Variants in KIF1A observed in about 807,000 individuals in gnomAD.
KIF1A encodes kinesin family member 1A.
A neutral mutation model predicts 227.3 loss-of-function variants in KIF1A; 46 were observed. The ratio of observed to expected loss-of-function variants is 0.20; its 90% CI spans 0.16 to 0.26. KIF1A has a LOEUF of 0.26. KIF1A is among the 10% of genes least tolerant of loss of function. The pLI, the probability that KIF1A is intolerant of heterozygous loss-of-function variation, is 1.00. For synonymous variants in KIF1A, 1,022 were observed against 1,012.8 expected, an observed-to-expected ratio of 1.01 and a Z score of -0.17; for missense variants, 1,683 against 2,485.9, an observed-to-expected ratio of 0.68 and a Z score of 6.87.
At chr2:240,744,647 T>C (rs2048376720) in intron 32 of KIF1A, among the ~76,000 whole-genome samples, 1 of 152,174 alleles carries the variant, frequency 6.6e-6, no homozygotes, top group Non-Finnish European at 1.5e-5. Flanking sequence ...GAGGCGGCTG[T>C]TCTATAAGCC....
chr2:240,820,392 G>C (rs1325754021), upstream of KIF1A: 1 of 151,620 alleles, frequency 6.6e-6, no homozygotes, highest in Non-Finnish European at 1.5e-5. This position sits in a 1 kb window ranked among gnomAD's most constrained non-coding sequence, Gnocchi z 6.2. Context: ...GGGACGGAGG[G>C]GGCCGGGGCC....
intron 25 of KIF1A, among the ~76,000 whole-genome samples, chr2:240,759,548 C>A (rs2050258754): frequency 6.6e-6 from 1 of 152,198 alleles, no homozygotes; most frequent in Admixed American, 6.5e-5. Context: ...CAACCCCAGG[C>A]TGTGGCCTGG....
chr2:240,770,390 G>A (rs920235199), intron 15 of KIF1A, among the ~76,000 whole-genome samples: 3 of 152,152 alleles, frequency 2.0e-5, no homozygotes, highest in African/African-American at 7.2e-5. Context: ...AGGATGGCCT[G>A]GAGGGAGCTC....
chr2:240,735,896 C>G (rs1179426716), intron 38 of KIF1A, among the ~76,000 whole-genome samples: 1 of 151,988 alleles, frequency 6.6e-6, no homozygotes, highest in African/African-American at 2.4e-5. Flanking sequence ...GACATGAGTG[C>G]AGGGCAAGTT....
In KIF1A at chr2:240,769,847, A is replaced by T. The variant is rs1294109649; in HGVS notation, c.1342-141T>A. On this transcript the variant is annotated intron_variant, in intron 15 of 48. Coordinates refer to ENST00000498729, the MANE Select transcript of KIF1A (RefSeq NM_001244008.2). The stretch of plus-strand genomic sequence containing the variant: ...CCGACAAGGCAACGAGGCATCCAGA[A>T]GACCAAGGTAAAGCTCAGAGAATGT... 13 of 616,314 alleles carry T rather than the reference A, an allele frequency of 2.1e-5. No individual in the cohort carries two copies. The East Asian group carries it at 3.6e-4, about 17-fold the overall frequency. The allele number at this position is 616,314 out of a possible 1,614,324, so 38.2% of individuals were successfully genotyped here.
At position 240,740,439 on chromosome 2, in the gene KIF1A, A is replaced by G. The variant is rs1559491175; in HGVS notation, c.3750-75T>C. ...CTCCCCGCAGCACAGGACACAGTGG[A>G]CGGGAGCAAAAACAGGGAAAAGTCA... On this transcript the variant is annotated intron_variant, in intron 35 of 48. Coordinates refer to ENST00000498729, the MANE Select transcript of KIF1A (RefSeq NM_001244008.2). This position sits in a 1 kb window ranked among gnomAD's most constrained non-coding sequence, Gnocchi z 6.1. 4 of 1,287,194 alleles carry G rather than the reference A, an allele frequency of 3.1e-6. No individual in the cohort carries two copies. The highest frequency in any genetic ancestry group is 1.5e-5 in the African/African-American group (1 of 68,346). 79.7% of individuals were successfully genotyped at this position (1,287,194 alleles called of 1,614,324 possible).
chr2:240,793,909 C>T lies in KIF1A; in HGVS notation c.106+3738G>A, dbSNP rs1349083241. On this transcript the variant is annotated intron_variant, in intron 2 of 48. Transcript: ENST00000498729. The surrounding 1 kb of genome is among the most constrained non-coding windows in gnomAD (Gnocchi z 4.8). Reference sequence around the variant, plus strand: ...CCCCACGACATCCTCTGAGGGGCCCCGCACAGTCCCCGCCATCTTCCGAGG... The same window carrying T: ...CCCCACGACATCCTCTGAGGGGCCCTGCACAGTCCCCGCCATCTTCCGAGG... Among the ~76,000 whole-genome samples, 3 of 152,288 alleles carry T rather than the reference C, an allele frequency of 2.0e-5. No homozygotes were observed. In the East Asian group the frequency reaches 5.8e-4, roughly 29 times the overall value.
chr2:240,786,735 G>GGACC (rs1559529804), intron 5 of KIF1A, among the ~76,000 whole-genome samples: 5 of 75,166 alleles, frequency 6.7e-5, no homozygotes, highest in South Asian at 3.3e-4. Flanking sequence ...GGTGGGGGCT[G>GGACC]CCTGCTGGGC....
At chr2:240,745,938 A>C (rs1575563690) in intron 30 of KIF1A, 29 bp from the exon 31 acceptor site, 1 of 1,590,846 alleles carries the variant, frequency 6.3e-7, no homozygotes. Context: ...AGAGTCATGG[A>C]CCTCCAGGCC....
chr2:240,722,810 A>G (rs1421963811), intron 42 of KIF1A, among the ~76,000 whole-genome samples, 154 bp from the exon 43 acceptor site: 1 of 152,034 alleles, frequency 6.6e-6, no homozygotes, highest in Non-Finnish European at 1.5e-5. Flanking sequence ...TCAGCTGTGA[A>G]ATGAGGGAAC....
chr2:240,749,313 C>T (rs908166215), intron 28 of KIF1A, among the ~76,000 whole-genome samples: 12 of 152,104 alleles, frequency 7.9e-5, no homozygotes, highest in Non-Finnish European at 1.2e-4. Context: ...TGAGCCATCT[C>T]GGAGTTGGGG....
At position 240,719,780 on chromosome 2, in the gene KIF1A, C is replaced by G. The variant is rs761974755; in HGVS notation, c.5015G>C (p.Arg1672Pro). 6.3e-7 allele frequency: 1 copy of G among 1,582,886 alleles called. No homozygotes were observed. The highest frequency in any genetic ancestry group is 1.2e-5 in the South Asian group (1 of 86,208). Residue 1672 changes from arginine to proline, a missense_variant, in exon 46 of 49, where the codon CGA becomes CCA. Transcript: ENST00000498729. Reference protein sequence around the residue: ...RLLVPDIQEIRVSPIVSKKGY... With the variant: ...RLLVPDIQEIPVSPIVSKKGY... Reference sequence around the variant, plus strand: ...CCAGGGAGGCCCCACACACCTGACTCGGATCTCCTGGATGTCAGGGACCAG... The same window carrying G: ...CCAGGGAGGCCCCACACACCTGACTGGGATCTCCTGGATGTCAGGGACCAG...
chr2:240,751,205 C>G (rs976613549), intron 27 of KIF1A, among the ~76,000 whole-genome samples: 4 of 152,174 alleles, frequency 2.6e-5, no homozygotes, highest in Non-Finnish European at 5.9e-5. Flanking sequence ...CCACGAGTAC[C>G]TACGGTCGCC....
Position 240,736,084 on chromosome 2 carries a change from A to G in KIF1A, c.4007+979T>C, listed in dbSNP as rs779810779. Among the ~76,000 whole-genome samples, 5 of 148,558 alleles carry G rather than the reference A, an allele frequency of 3.4e-5. No homozygotes were observed. Among genetic ancestry groups the G allele is most frequent in the Admixed American group, 6.7e-5 (1 of 14,852 alleles). On this transcript the variant is annotated intron_variant, in intron 38 of 48. Transcript: ENST00000498729. This position sits in a 1 kb window ranked among gnomAD's most constrained non-coding sequence, Gnocchi z 4.7. ...CTGCAGTGCTAAGCCCCGATAGCCC[A>G]CTTTCTGGGTGTTGCTGATGAAACC...
chr2:240,816,292 CTG>C (rs200893181), intron 1 of KIF1A, among the ~76,000 whole-genome samples: 8 of 151,598 alleles, frequency 5.3e-5, no homozygotes, highest in South Asian at 2.1e-4. Flanking sequence ...GTATGAGTGT[CTG>C]TGTGTGTGAA....
At chr2:240,718,569 T>C (rs1337399062) in intron 47 of KIF1A, among the ~76,000 whole-genome samples, 1 of 152,224 alleles carries the variant, frequency 6.6e-6, no homozygotes, top group African/African-American at 2.4e-5. Context: ...CCAGCCAGCC[T>C]GAAGGAGTCC....
intron 38 of KIF1A, chr2:240,728,447 CAT>C: frequency 7.8e-7 from 1 of 1,281,044 alleles, no homozygotes; most frequent in Non-Finnish European, 1.0e-6. Context: ...CACACGTACA[CAT>C]ACAGAAGAAA....
At position 240,745,901 on chromosome 2, in the gene KIF1A, G is replaced by A; in HGVS notation, c.3211C>T (p.Pro1071Ser). 6.2e-7 allele frequency: 1 copy of A among 1,603,042 alleles called. No homozygotes were observed. The highest frequency in any genetic ancestry group is 8.5e-7 in the Non-Finnish European group (1 of 1,173,184). ...GAGCTGTCTAGGAGGAGGCCTTCTGGGGGCACTGCTGCTGGGAGTCAAGGA... is the reference window on the plus strand; with the variant it reads ...GAGCTGTCTAGGAGGAGGCCTTCTGAGGGCACTGCTGCTGGGAGTCAAGGA... The part of the protein sequence containing the change: ...VNNNTCSAVP[P>S]EGLLLDSSEK... The change falls in exon 31 of 49, where the codon CCA becomes TCA. Residue 1071 changes from proline to serine, a missense_variant. Coordinates refer to ENST00000498729, the MANE Select transcript of KIF1A (RefSeq NM_001244008.2).
In KIF1A at chr2:240,771,042, C is replaced by T. The variant is rs749112240; in HGVS notation, c.1270G>A (p.Ala424Thr). ...SSLSALSSRA[A>T]SVSSLHERIL... ...CGCTCGTGGAGGCTGGACACGGAGG[C>T]CGCGCGGCTGGACAGGGCTGAGAGC... is the stretch of plus-strand genomic sequence containing the variant. The change falls in exon 15 of 49, where the codon GCC (alanine) becomes ACC (threonine). Residue 424 changes from alanine to threonine, a missense_variant. By Grantham distance (58) the Ala-to-Thr change is moderately conservative. Coordinates refer to ENST00000498729, the MANE Select transcript of KIF1A (RefSeq NM_001244008.2). 41 of 1,613,156 alleles carry T rather than the reference C, an allele frequency of 2.5e-5. No individual in the cohort carries two copies. In the Admixed American group the frequency reaches 6.7e-4, roughly 26 times the overall value.
Sources: allele counts gnomAD v4.1 joint callset (sites outside exome capture counted in the v4.1 genomes callset), GRCh38; gene constraint gnomAD v4.1.1; non-coding constraint Gnocchi (gnomAD v3.1); transcripts MANE v1.5; gene names NCBI Gene and HGNC (gene_info 2026-07-23, HGNC 2026-07-21).